Variants in LRRC4C observed in about 807,000 individuals in gnomAD.
The protein encoded by LRRC4C is leucine rich repeat containing 4C.
Under a neutral mutation model 33.6 loss-of-function variants are expected in LRRC4C, and 5 were observed. The observed-to-expected ratio is 0.15, with a 90% CI of 0.08 to 0.31. The LOEUF (loss-of-function observed/expected upper bound fraction) is 0.31. Ranked by LOEUF, LRRC4C falls within the 10% of genes least tolerant of loss-of-function variation. LRRC4C has a pLI of 1.00. For synonymous variants in LRRC4C, 329 were observed against 302.0 expected (o/e 1.09, Z -0.93); for missense variants, 560 against 796.7 (o/e 0.70, Z 3.58).
At chr11:40,945,855 T>G (rs1479145249) in intron 1 of LRRC4C, among the ~76,000 whole-genome samples, 1 of 152,176 alleles carries the variant, frequency 6.6e-6, no homozygotes, top group African/African-American at 2.4e-5. Context: ...TTCCCAAAGA[T>G]TCAATAATCC....
chr11:41,416,344 C>T (rs192005647), intron 1 of LRRC4C, among the ~76,000 whole-genome samples: 21 of 152,064 alleles, frequency 1.4e-4, no homozygotes, highest in African/African-American at 4.6e-4. Flanking sequence ...TCACTATAAA[C>T]CATATTATCA....
chr11:40,437,928 G>A (rs1250684095), intron 3 of LRRC4C, among the ~76,000 whole-genome samples: 3 of 152,140 alleles, frequency 2.0e-5, no homozygotes, highest in East Asian at 1.9e-4. Context: ...GGATGGTCTC[G>A]ATCTCTTGAC....
At chr11:40,215,079 C>T (rs556768497) in intron 5 of LRRC4C, among the ~76,000 whole-genome samples, 2 of 152,192 alleles carry the variant, frequency 1.3e-5, no homozygotes, top group Admixed American at 6.5e-5. Flanking sequence ...TCGATTGTTA[C>T]CCTCCAGCAG....
At chr11:40,575,993 C>T (rs1172100913) in intron 3 of LRRC4C, among the ~76,000 whole-genome samples, 1 of 152,176 alleles carries the variant, frequency 6.6e-6, no homozygotes, top group Non-Finnish European at 1.5e-5. Flanking sequence ...AGACAAGTCA[C>T]AGCTTCCTTG....
At chr11:40,133,824 T>G (rs1340948656) in intron 6 of LRRC4C, among the ~76,000 whole-genome samples, 1 of 151,940 alleles carries the variant, frequency 6.6e-6, no homozygotes, top group Admixed American at 6.6e-5. Context: ...AAGCAAAAGG[T>G]CTAGCATTTT....
intron 3 of LRRC4C, among the ~76,000 whole-genome samples, chr11:40,579,638 G>C (rs1958376222): frequency 1.3e-5 from 2 of 152,010 alleles, no homozygotes; most frequent in South Asian, 2.1e-4. Context: ...CCTATTTCTA[G>C]CTATACCCCT....
At chr11:40,998,246 A>G (rs1195183928) in intron 1 of LRRC4C, among the ~76,000 whole-genome samples, 3 of 116,782 alleles carry the variant, frequency 2.6e-5, no homozygotes, top group Non-Finnish European at 3.7e-5. Flanking sequence ...CATTCTGCAC[A>G]TGTATCCCAG....
At chr11:41,008,023 G>A (rs116177588) in intron 1 of LRRC4C, among the ~76,000 whole-genome samples, 2,837 of 151,114 alleles carry the variant, frequency 0.019, 89 homozygotes, top group African/African-American at 0.06. Flanking sequence ...ATTTTCTTTC[G>A]TATTCCAATA....
chr11:41,289,404 A>G (rs1328463253), intron 1 of LRRC4C, among the ~76,000 whole-genome samples: 2 of 152,208 alleles, frequency 1.3e-5, no homozygotes, highest in African/African-American at 4.8e-5. Flanking sequence ...AAAAATTTGT[A>G]TGTTGAAGCA....
chr11:40,790,976 T>G (rs1950601863), intron 2 of LRRC4C, among the ~76,000 whole-genome samples: 1 of 152,202 alleles, frequency 6.6e-6, no homozygotes, highest in South Asian at 2.1e-4. Flanking sequence ...AGTGCCAAGT[T>G]ATTTAATCAG....
intron 3 of LRRC4C, among the ~76,000 whole-genome samples, chr11:40,499,661 C>T (rs1033803569): frequency 2.0e-5 from 3 of 152,130 alleles, no homozygotes; most frequent in Admixed American, 1.3e-4. Flanking sequence ...AAAATAGTAA[C>T]TGAGATGATA....
Position 41,378,102 on chromosome 11 carries a change from T to A in LRRC4C, c.-496+81329A>T, listed in dbSNP as rs1405906102. Among the ~76,000 whole-genome samples the A allele has an allele frequency of 2.0e-5, 3 of 152,118 alleles. No homozygotes were observed. The East Asian group carries it at 5.8e-4, about 29-fold the overall frequency. On this transcript the variant is annotated intron_variant, in intron 1 of 6. Transcript: ENST00000528697. ...CTTTCTTGGATCTGCAGAAATGTACTTAATTACCACTGAGGCAATTTATAT... is the reference window on the plus strand; with the variant it reads ...CTTTCTTGGATCTGCAGAAATGTACATAATTACCACTGAGGCAATTTATAT...
intron 4 of LRRC4C, among the ~76,000 whole-genome samples, chr11:40,277,174 C>A (rs1943169757): frequency 6.6e-6 from 1 of 152,074 alleles, no homozygotes; most frequent in Non-Finnish European, 1.5e-5. Flanking sequence ...AGGAATGAGG[C>A]CTGCCAACTA....
At chr11:40,682,596 C>A (rs138984188) in intron 2 of LRRC4C, among the ~76,000 whole-genome samples, 2 of 151,718 alleles carry the variant, frequency 1.3e-5, no homozygotes, top group Non-Finnish European at 2.9e-5. Context: ...GCCCAAATGG[C>A]GAAACCCAAT....
At chr11:41,189,567 C>A (rs1356399645) in intron 1 of LRRC4C, among the ~76,000 whole-genome samples, 1 of 152,006 alleles carries the variant, frequency 6.6e-6, no homozygotes, top group Non-Finnish European at 1.5e-5. Flanking sequence ...ATACTGAAGA[C>A]TTGGCATTAA....
chr11:40,469,168 C>T (rs1233509940), intron 3 of LRRC4C, among the ~76,000 whole-genome samples: 1 of 152,126 alleles, frequency 6.6e-6, no homozygotes, highest in East Asian at 1.9e-4. Flanking sequence ...TCTGCATTTC[C>T]AACTGAGGTA....
chr11:41,453,443 A>G (rs1175190916), intron 1 of LRRC4C, among the ~76,000 whole-genome samples: 1 of 152,050 alleles, frequency 6.6e-6, no homozygotes, highest in Non-Finnish European at 1.5e-5. Flanking sequence ...CTATTATGGG[A>G]ATGTGATTAC....
intron 2 of LRRC4C, among the ~76,000 whole-genome samples, chr11:40,708,425 T>C (rs980815429): frequency 3.3e-5 from 5 of 152,224 alleles, no homozygotes; most frequent in Admixed American, 6.5e-5. Context: ...TTTGTTCTCA[T>C]TGGTTTCAAA....
At chr11:40,907,606 G>T (rs927342644) in intron 2 of LRRC4C, among the ~76,000 whole-genome samples, 3 of 152,122 alleles carry the variant, frequency 2.0e-5, no homozygotes. Flanking sequence ...ACAAGACAAA[G>T]ATTTCATCAG....
Sources: gnomAD v4.1 joint callset for allele counts (sites outside exome capture counted in the v4.1 genomes callset) on GRCh38, gnomAD v4.1.1 for gene constraint, MANE v1.5 for transcripts, NCBI Gene and HGNC (gene_info 2026-07-23, HGNC 2026-07-21) for gene names.